Variants in FILIP1L observed in about 807,000 individuals in gnomAD.
FILIP1L encodes the protein filamin A-interacting protein 1-like.
In FILIP1L, 55 loss-of-function variants were observed where a neutral mutation model predicts 96.6. The observed-to-expected ratio is 0.57, with a 90% CI of 0.46 to 0.71. The LOEUF is 0.71. Ranked by LOEUF, FILIP1L falls within the 30% of genes least tolerant of loss-of-function variation. The pLI, the probability that FILIP1L is intolerant of heterozygous loss-of-function variation, is 0.00. For missense variants in FILIP1L, 1,304 were observed against 1,321.2 expected (o/e 0.99, Z 0.20); for synonymous variants, 467 against 473.9 (o/e 0.99, Z 0.19).
At chr3:99,872,790 G>A (rs1944867521) in intron 4 of FILIP1L, among the ~76,000 whole-genome samples, 1 of 152,026 alleles carries the variant, frequency 6.6e-6, no homozygotes. Flanking sequence ...GCATGAAGAG[G>A]GAGTGTTTCT....
chr3:99,920,533 G>T (rs185883385), intron 4 of FILIP1L, among the ~76,000 whole-genome samples: 35 of 152,314 alleles, frequency 2.3e-4, no homozygotes, highest in Admixed American at 2.0e-3. Flanking sequence ...GTTGGAGCTG[G>T]TCAGTGAACG....
At chr3:100,108,446 C>CTT (rs2066431014) in intron 1 of FILIP1L, among the ~76,000 whole-genome samples, 1 of 152,098 alleles carries the variant, frequency 6.6e-6, no homozygotes, top group Non-Finnish European at 1.5e-5. Flanking sequence ...AAACATGAGG[C>CTT]TTTAGAGGGT....
At chr3:99,980,134 G>A (rs1709079135) in intron 1 of FILIP1L, among the ~76,000 whole-genome samples, 1 of 152,158 alleles carries the variant, frequency 6.6e-6, no homozygotes, top group Admixed American at 6.5e-5. Flanking sequence ...ACTATATAGT[G>A]AGACATGCAG....
At chr3:99,873,143 A>G (rs763213055) in intron 4 of FILIP1L, among the ~76,000 whole-genome samples, 1 of 152,180 alleles carries the variant, frequency 6.6e-6, no homozygotes, top group Non-Finnish European at 1.5e-5. Flanking sequence ...GACAGCAGCA[A>G]CCACAGAAAT....
chr3:100,072,047 C>T (rs1423849526), intron 1 of FILIP1L, among the ~76,000 whole-genome samples: 2 of 152,252 alleles, frequency 1.3e-5, no homozygotes, highest in Non-Finnish European at 2.9e-5. Flanking sequence ...TAGGATAAAA[C>T]TGTCATCTTT....
chr3:99,935,345 C>CTAGCATGAAGTGCTGACCTAG (rs1453632191), intron 1 of FILIP1L, among the ~76,000 whole-genome samples: 1 of 151,692 alleles, frequency 6.6e-6, no homozygotes, highest in Non-Finnish European at 1.5e-5. Flanking sequence ...GACCTAGTAC[C>CTAGCATGAAGTGCTGACCTAG]TAGTGAGTTT....
chr3:100,044,385 AG>A (rs2065249368), intron 1 of FILIP1L, among the ~76,000 whole-genome samples: 2 of 152,160 alleles, frequency 1.3e-5, no homozygotes, highest in African/African-American at 4.8e-5. Flanking sequence ...TAATCTGTCA[AG>A]GGGGGCAGTG....
chr3:100,038,475 A>G (rs1333115008), intron 1 of FILIP1L, among the ~76,000 whole-genome samples: 1 of 152,194 alleles, frequency 6.6e-6, no homozygotes, highest in Admixed American at 6.5e-5. Context: ...GAAACAGGCA[A>G]TACTACTCAG....
intron 4 of FILIP1L, among the ~76,000 whole-genome samples, chr3:99,871,646 T>C (rs1944791731): frequency 1.3e-5 from 2 of 152,184 alleles, no homozygotes; most frequent in Non-Finnish European, 2.9e-5. Context: ...TGAGTCACTT[T>C]GAATTTTGAA....
intron 4 of FILIP1L, among the ~76,000 whole-genome samples, chr3:99,878,795 G>A (rs1705625636): frequency 6.6e-6 from 1 of 152,224 alleles, no homozygotes; most frequent in Non-Finnish European, 1.5e-5. Context: ...CCTGGGTGGT[G>A]TATTGCAAAC....
At chr3:99,991,311 T>A (rs1709504252) in intron 1 of FILIP1L, among the ~76,000 whole-genome samples, 1 of 152,136 alleles carries the variant, frequency 6.6e-6, no homozygotes, top group South Asian at 2.1e-4. Flanking sequence ...CACACACCCT[T>A]CCAAAAGTTT....
At chr3:99,954,199 A>C (rs1336023386) in intron 1 of FILIP1L, among the ~76,000 whole-genome samples, 2 of 152,232 alleles carry the variant, frequency 1.3e-5, no homozygotes, top group Non-Finnish European at 2.9e-5. Context: ...CAGGAAGCTG[A>C]AGTCCATGCC....
Position 99,849,957 on chromosome 3 carries a change from C to T in FILIP1L, c.1719G>A (p.Ala573=), listed in dbSNP as rs769184193. 18 of 1,612,722 alleles carry T rather than the reference C, an allele frequency of 1.1e-5. No individual in the cohort carries two copies. Among genetic ancestry groups the T allele is most frequent in the South Asian group, 4.4e-5 (4 of 90,530 alleles). ...ERDDLKNKLK[A]EEEKGNDLLS... ...GGAGATCATTTCCTTTCTCTTCTTC[C>T]GCTTTCAATTTGTTTTTTAAATCAT... Residue 573 remains alanine, a synonymous_variant, in exon 5 of 6, where the codon GCG becomes GCA. Transcript: ENST00000477258.
In FILIP1L at chr3:99,849,170, C is replaced by T. The variant is rs775766718; in HGVS notation, c.2506G>A (p.Glu836Lys). Residue 836 changes from glutamate to lysine, a missense_variant, in exon 5 of 6, where the codon GAG (glutamate) becomes AAG (lysine). Physicochemically the swap from Glu to Lys is moderately conservative, Grantham distance 56 (BLOSUM62 1). Coordinates refer to ENST00000477258, the MANE Select transcript of FILIP1L (RefSeq NM_001387850.1). ...QLYEESENQD[E>K]DPNDEGSVLS... ...ACAGATCCCTCATCATTAGGGTCCT[C>T]GTCTTGATTCTCACTCTCCTCATAT... The T allele has an allele frequency of 1.9e-5, 30 of 1,613,998 alleles. No homozygotes were observed. The highest frequency in any genetic ancestry group is 1.6e-4 in the Middle Eastern group (1 of 6,084).
intron 1 of FILIP1L, among the ~76,000 whole-genome samples, chr3:99,950,959 C>T (rs1708159003): frequency 6.6e-6 from 1 of 152,134 alleles, no homozygotes; most frequent in Non-Finnish European, 1.5e-5. Flanking sequence ...TTGACTCTGC[C>T]CTTGGAATAA....
intron 1 of FILIP1L, among the ~76,000 whole-genome samples, chr3:99,962,593 G>C (rs926407505): frequency 2.0e-5 from 3 of 152,094 alleles, no homozygotes; most frequent in African/African-American, 7.2e-5. Flanking sequence ...GAGAAACTTT[G>C]GTGGCTTTTA....
chr3:100,113,696 A>G (rs144565570), intron 1 of FILIP1L, among the ~76,000 whole-genome samples: 1 of 152,328 alleles, frequency 6.6e-6, no homozygotes, highest in African/African-American at 2.4e-5. Flanking sequence ...AGCTTACAAA[A>G]TCAAGCTATT....
chr3:99,930,104 T>G, intron 2 of FILIP1L, 75 bp from the exon 3 acceptor site: 3 of 1,228,294 alleles, frequency 2.4e-6, no homozygotes, highest in Non-Finnish European at 3.4e-6. Flanking sequence ...TTGTGATAGT[T>G]GGCAGTGCTT....
intron 1 of FILIP1L, among the ~76,000 whole-genome samples, chr3:99,936,360 G>A (rs1707667425): frequency 7.2e-6 from 1 of 138,230 alleles, no homozygotes; most frequent in South Asian, 2.3e-4. Context: ...AGGAACTGAA[G>A]CTTGAAGCCT....
Sources: gnomAD v4.1 joint callset for allele counts (sites outside exome capture counted in the v4.1 genomes callset) on GRCh38, gnomAD v4.1.1 for gene constraint, MANE v1.5 for transcripts, NCBI Gene and HGNC (gene_info 2026-07-23, HGNC 2026-07-21) for gene names.